OTUD7A: variants seen among roughly 807,000 people sequenced by gnomAD.
The protein encoded by OTUD7A is OTU deubiquitinase 7A.
In OTUD7A, 12 loss-of-function variants were observed where a neutral mutation model predicts 65.7. That is an observed-to-expected ratio of 0.18 (90% CI 0.12 to 0.30). OTUD7A has a LOEUF of 0.30. Ranked by LOEUF, OTUD7A falls within the 10% of genes least tolerant of loss-of-function variation. The probability of loss-of-function intolerance (pLI) is 1.00; values close to 1 mark genes in which losing one functional copy is unlikely to be tolerated. For synonymous variants in OTUD7A, 641 were observed against 586.3 expected, an observed-to-expected ratio of 1.09 and a Z score of -1.35; for missense variants, 1,148 against 1,304.8, an observed-to-expected ratio of 0.88 and a Z score of 1.85.
intron 3 of OTUD7A, among the ~76,000 whole-genome samples, chr15:31,611,266 C>A (rs985764057): frequency 1.3e-5 from 2 of 152,036 alleles, no homozygotes; most frequent in Admixed American, 6.6e-5. Flanking sequence ...AAGAACAAAC[C>A]AAAGCCAAAC....
At chr15:31,753,030 T>C (rs1018116528) in intron 1 of OTUD7A, among the ~76,000 whole-genome samples, 10 of 152,166 alleles carry the variant, frequency 6.6e-5, no homozygotes, top group Admixed American at 3.9e-4. Context: ...AAATGAATCA[T>C]TTTTACTGTT....
intron 5 of OTUD7A, among the ~76,000 whole-genome samples, chr15:31,550,426 G>A (rs1403396363): frequency 2.0e-5 from 3 of 152,182 alleles, no homozygotes; most frequent in African/African-American, 7.2e-5. Context: ...ACATGCATGA[G>A]ACTTGGCAAG....
intron 1 of OTUD7A, among the ~76,000 whole-genome samples, chr15:31,834,346 C>T (rs1027532729): frequency 1.3e-5 from 2 of 152,146 alleles, no homozygotes; most frequent in East Asian, 1.9e-4. Context: ...GCAGGATGAC[C>T]GCCAACAGCT....
intron 1 of OTUD7A, among the ~76,000 whole-genome samples, chr15:31,714,559 C>T (rs542091932): frequency 1.2e-4 from 18 of 152,094 alleles, no homozygotes; most frequent in Non-Finnish European, 2.6e-4. Context: ...ATTTGATGTG[C>T]ATTTTTCTGT....
rs564334239 is a variant in OTUD7A at position 31,685,669 on chromosome 15, C to T, written c.-99-28592G>A. Among the ~76,000 whole-genome samples the T allele has an allele frequency of 1.1e-4, 16 of 152,274 alleles. No individual in the cohort carries two copies. The South Asian group carries it at 2.9e-3, about 28-fold the overall frequency. On this transcript the variant is annotated intron_variant, in intron 1 of 12. Transcript: ENST00000307050. ...GCGAGACTCCGTCTCAAAAAAAGATCCCAGTTACCAAATGCTTGTGGAGCC... is the reference window on the plus strand; with the variant it reads ...GCGAGACTCCGTCTCAAAAAAAGATTCCAGTTACCAAATGCTTGTGGAGCC...
At chr15:31,552,237 C>G (rs1486384969) in intron 5 of OTUD7A, among the ~76,000 whole-genome samples, 1 of 152,202 alleles carries the variant, frequency 6.6e-6, no homozygotes, top group East Asian at 1.9e-4. Context: ...GCTTCTTGTA[C>G]AGCCTGCAGA....
intron 3 of OTUD7A, among the ~76,000 whole-genome samples, chr15:31,614,992 A>C (rs564594595): frequency 3.3e-5 from 5 of 152,342 alleles, no homozygotes; most frequent in South Asian, 4.1e-4. Context: ...TACCAAAAGA[A>C]TAGTAAAGGA....
chr15:31,750,215 C>T (rs1488741327), intron 1 of OTUD7A, among the ~76,000 whole-genome samples: 1 of 151,970 alleles, frequency 6.6e-6, no homozygotes, highest in East Asian at 1.9e-4. Flanking sequence ...CGAGACCAGC[C>T]TGGCCAACAT....
chr15:31,749,714 G>A (rs529421123), intron 1 of OTUD7A, among the ~76,000 whole-genome samples: 82 of 151,940 alleles, frequency 5.4e-4, no homozygotes, highest in Middle Eastern at 6.8e-3. Context: ...AGAACGATCA[G>A]GCAAGAGGAA....
chr15:31,852,296 C>T (rs888207364), intron 1 of OTUD7A, among the ~76,000 whole-genome samples: 1 of 152,228 alleles, frequency 6.6e-6, no homozygotes, highest in Non-Finnish European at 1.5e-5. Flanking sequence ...GGACATTCCA[C>T]AGTAGGCCAG....
At chr15:31,641,165 G>A (rs1891504104) in intron 3 of OTUD7A, among the ~76,000 whole-genome samples, 1 of 134,998 alleles carries the variant, frequency 7.4e-6, no homozygotes, top group Non-Finnish European at 1.6e-5. Flanking sequence ...GAGATGTGAA[G>A]GTTTTATAAG....
At chr15:31,734,434 C>T (rs1455124629) in intron 1 of OTUD7A, among the ~76,000 whole-genome samples, 9 of 152,058 alleles carry the variant, frequency 5.9e-5, no homozygotes, top group Non-Finnish European at 7.4e-5. Flanking sequence ...CAAAAAAGAG[C>T]CTGAATAGCC....
At chr15:31,777,843 G>A (rs777582009) in intron 1 of OTUD7A, among the ~76,000 whole-genome samples, 14 of 152,192 alleles carry the variant, frequency 9.2e-5, no homozygotes, top group Non-Finnish European at 1.3e-4. Flanking sequence ...CCTGGCAAGG[G>A]GGCAGCTGCA....
Position 31,645,536 on chromosome 15 carries a change from C to T in OTUD7A, c.151+9560G>A, listed in dbSNP as rs554977364. On this transcript the variant is annotated intron_variant, in intron 3 of 12. Coordinates refer to ENST00000307050, the MANE Select transcript of OTUD7A (RefSeq NM_001382637.1). ...CCCAGAAAACCCCTGCATGATATTACTTCATCCATCCACGTCAGTATGTAT... is the reference window on the plus strand; with the variant it reads ...CCCAGAAAACCCCTGCATGATATTATTTCATCCATCCACGTCAGTATGTAT... 1.3e-3 allele frequency among the ~76,000 whole-genome samples: 198 copies of T among 152,340 alleles called. 2 individuals carry two copies. Among genetic ancestry groups the T allele is most frequent in the African/African-American group, 4.7e-3 (194 of 41,570 alleles).
chr15:31,758,952 T>C (rs115052998), intron 1 of OTUD7A, among the ~76,000 whole-genome samples: 2,141 of 152,316 alleles, frequency 0.014, 59 homozygotes, highest in African/African-American at 0.05. Flanking sequence ...TTGAAGTGTT[T>C]TTCTGACCTG....
chr15:31,539,135 T>C (rs1887901881), intron 5 of OTUD7A, among the ~76,000 whole-genome samples: 1 of 152,186 alleles, frequency 6.6e-6, no homozygotes, highest in South Asian at 2.1e-4. Context: ...GGCTATCCAA[T>C]GGGTCCATAT....
At chr15:31,825,599 T>C (rs1000880611) in intron 1 of OTUD7A, among the ~76,000 whole-genome samples, 1 of 152,120 alleles carries the variant, frequency 6.6e-6, no homozygotes, top group Non-Finnish European at 1.5e-5. Flanking sequence ...CCAAATCTCA[T>C]ATCCTCACAT....
chr15:31,571,935 G>T (rs1248183279), intron 3 of OTUD7A, among the ~76,000 whole-genome samples: 2 of 152,102 alleles, frequency 1.3e-5, no homozygotes, highest in African/African-American at 4.8e-5. Flanking sequence ...GACACTCTAT[G>T]GTCCCTTCAC....
At chr15:31,635,305 G>T (rs528865328) in intron 3 of OTUD7A, among the ~76,000 whole-genome samples, 2 of 152,314 alleles carry the variant, frequency 1.3e-5, no homozygotes, top group South Asian at 2.1e-4. Flanking sequence ...GGACCTACAG[G>T]TCACCTTGCT....
Sources: allele counts gnomAD v4.1 joint callset (sites outside exome capture counted in the v4.1 genomes callset), GRCh38; gene constraint gnomAD v4.1.1; transcripts MANE v1.5; gene names NCBI Gene and HGNC (gene_info 2026-07-23, HGNC 2026-07-21).